The following KCNC2 variants were observed in gnomAD, a reference collection of about 807,000 sequenced individuals.
KCNC2 encodes the protein voltage-gated potassium channel KCNC2.
In KCNC2, 21 loss-of-function variants were observed where a neutral mutation model predicts 44.5. That is an observed-to-expected ratio of 0.47 (90% CI 0.33 to 0.68). The LOEUF is 0.68. Ranked by LOEUF, KCNC2 falls within the 30% of genes least tolerant of loss-of-function variation. The pLI is 0.01. For missense variants in KCNC2, 589 were observed against 826.2 expected, an observed-to-expected ratio of 0.71 and a Z score of 3.52; for synonymous variants, 391 against 339.1, an observed-to-expected ratio of 1.15 and a Z score of -1.68.
intron 2 of KCNC2, among the ~76,000 whole-genome samples, chr12:75,145,319 C>T (rs1385150380): frequency 6.6e-6 from 1 of 152,036 alleles, no homozygotes; most frequent in African/African-American, 2.4e-5. Context: ...TAAACAATCC[C>T]AAGTTTAAAA....
At chr12:75,097,984 TTCTC>T (rs2137163690) in intron 2 of KCNC2, among the ~76,000 whole-genome samples, 1 of 152,242 alleles carries the variant, frequency 6.6e-6, no homozygotes, top group Admixed American at 6.5e-5. Context: ...ATTCACTCCC[TTCTC>T]TCTATGAGAA....
chr12:75,175,494 T>C (rs1593029826), intron 2 of KCNC2, among the ~76,000 whole-genome samples: 1 of 152,024 alleles, frequency 6.6e-6, no homozygotes, highest in Non-Finnish European at 1.5e-5. Flanking sequence ...GACAGAATTG[T>C]ACATTTGGTT....
chr12:75,045,935 GATAA>G (rs1235988261), intron 4 of KCNC2, among the ~76,000 whole-genome samples: 1 of 151,608 alleles, frequency 6.6e-6, no homozygotes, highest in South Asian at 2.1e-4. Flanking sequence ...CAACTTGAGG[GATAA>G]ATAAATGAAA....
chr12:75,082,933 T>C (rs1421776649), intron 2 of KCNC2, among the ~76,000 whole-genome samples: 4 of 151,274 alleles, frequency 2.6e-5, no homozygotes, highest in African/African-American at 2.4e-5. Context: ...AAGACAGATA[T>C]CCCTATACTG....
At chr12:75,074,999 T>C (rs1374719995) in intron 2 of KCNC2, among the ~76,000 whole-genome samples, 1 of 152,140 alleles carries the variant, frequency 6.6e-6, no homozygotes, top group African/African-American at 2.4e-5. Flanking sequence ...GGGACAGAAA[T>C]ATGAAACAGC....
chr12:75,138,957 G>T (rs1889430979), intron 2 of KCNC2, among the ~76,000 whole-genome samples: 1 of 124,970 alleles, frequency 8.0e-6, no homozygotes. Context: ...CTCCTGCCTG[G>T]GCCACAGAGC....
intron 2 of KCNC2, among the ~76,000 whole-genome samples, chr12:75,098,481 A>G (rs1166222145): frequency 6.6e-6 from 1 of 152,140 alleles, no homozygotes; most frequent in Non-Finnish European, 1.5e-5. Context: ...ATTTCTAGCC[A>G]GGCACTGTGT....
At chr12:75,128,512 T>C (rs77642101) in intron 2 of KCNC2, among the ~76,000 whole-genome samples, 2,215 of 152,266 alleles carry the variant, frequency 0.015, 43 homozygotes, top group African/African-American at 0.05. Flanking sequence ...GGTCAAAAAA[T>C]TCTTTGTTCC....
At chr12:75,145,542 A>G (rs1889959716) in intron 2 of KCNC2, among the ~76,000 whole-genome samples, 1 of 151,052 alleles carries the variant, frequency 6.6e-6, no homozygotes, top group Non-Finnish European at 1.5e-5. Flanking sequence ...TTTTAATCTT[A>G]TTTTATATGA....
Position 75,050,642 on chromosome 12 carries a change from C to T in KCNC2, c.1363G>A (p.Ala455Thr). The T allele has an allele frequency of 6.2e-7, 1 of 1,613,322 alleles. No homozygotes were observed. The highest frequency in any genetic ancestry group is 8.5e-7 in the Non-Finnish European group (1 of 1,179,722). ...PQTWSGMLVG[A>T]LCALAGVLTI... ...AGCACTCCAGCCAGAGCACACAGGG[C>T]TCCCACCAGCATGCCTGACCATGTT... Residue 455 changes from alanine to threonine, a missense_variant, in exon 3 of 5, where the codon GCC (alanine) becomes ACC (threonine). Around this residue, in one of 7 missense-constraint regions of KCNC2, gnomAD observed 67 missense variants for 237.4 expected, o/e 0.28. Transcript: ENST00000549446.
chr12:75,157,162 G>A (rs1359574797), intron 2 of KCNC2, among the ~76,000 whole-genome samples: 1 of 151,884 alleles, frequency 6.6e-6, no homozygotes, highest in Admixed American at 6.6e-5. Context: ...TCTACATTTT[G>A]TAATTGCCTT....
rs1302607839 is a variant in KCNC2, at chr12:75,075,471, A to C, written c.688-24154T>G. On this transcript the variant is annotated intron_variant, in intron 2 of 4. Transcript: ENST00000549446. The stretch of plus-strand genomic sequence containing the variant: ...AATATATATATACATATATATATAT[A>C]TATATATATATACACATATATATAT... 2.4e-4 allele frequency among the ~76,000 whole-genome samples: 35 copies of C among 147,238 alleles called. 1 individual carries two copies. The highest frequency in any genetic ancestry group is 4.0e-4 in the East Asian group (2 of 4,944).
In KCNC2 at chr12:75,181,916, C is replaced by CTTTTTTTTTTTTTTTTTTTTTTTTTTTTT. The variant is rs61089425; in HGVS notation, c.687+25352_687+25380dup. Among the ~76,000 whole-genome samples the CTTTTTTTTTTTTTTTTTTTTTTTTTTTTT allele has an allele frequency of 2.3e-4, 11 of 47,876 alleles. 4 individuals carry two copies. The highest frequency in any genetic ancestry group is 3.6e-4 in the Non-Finnish European group (9 of 25,268). 31.4% of individuals were successfully genotyped at this position (47,876 alleles called of 152,430 possible). On this transcript the variant is annotated intron_variant, in intron 2 of 4. Transcript: ENST00000549446. ...AAACATTATTACTATTAATATCTTC[C>CTTTTTTTTTTTTTTTTTTTTTTTTTTTTT]TTTTTTTTTTTTTTTTTTTTTTTTT...
At chr12:75,072,400 T>A (rs1883509013) in intron 2 of KCNC2, among the ~76,000 whole-genome samples, 1 of 152,100 alleles carries the variant, frequency 6.6e-6, no homozygotes, top group African/African-American at 2.4e-5. Flanking sequence ...AAAAAATACA[T>A]TGAAAGGAAG....
At chr12:75,165,296 T>G (rs1186315782) in intron 2 of KCNC2, among the ~76,000 whole-genome samples, 2 of 151,550 alleles carry the variant, frequency 1.3e-5, no homozygotes, top group Non-Finnish European at 3.0e-5. Context: ...ACAGACTGTA[T>G]AGACTAAATA....
chr12:75,191,891 C>T (rs899600536), intron 2 of KCNC2, among the ~76,000 whole-genome samples: 1 of 152,076 alleles, frequency 6.6e-6, no homozygotes, highest in African/African-American at 2.4e-5. Context: ...TACTATCTTA[C>T]AATGGTTTTT....
chr12:75,065,475 T>G (rs2137008076), intron 2 of KCNC2, among the ~76,000 whole-genome samples: 1 of 152,262 alleles, frequency 6.6e-6, no homozygotes, highest in East Asian at 1.9e-4. Flanking sequence ...CTGTGCTGGA[T>G]AATGATATTT....
At chr12:75,074,147 G>A (rs932054200) in intron 2 of KCNC2, among the ~76,000 whole-genome samples, 1 of 151,726 alleles carries the variant, frequency 6.6e-6, no homozygotes, top group Non-Finnish European at 1.5e-5. Context: ...TAAAAAAAAG[G>A]AAAATATTCT....
At chr12:75,107,767 T>C (rs1886908418) in intron 2 of KCNC2, among the ~76,000 whole-genome samples, 1 of 152,210 alleles carries the variant, frequency 6.6e-6, no homozygotes, top group Admixed American at 6.5e-5. Context: ...AATTAATTCC[T>C]AAGTCATTAA....
Sources: gnomAD v4.1 joint callset for allele counts (sites outside exome capture counted in the v4.1 genomes callset) on GRCh38, gnomAD v4.1.1 for gene constraint, gnomAD v4.1.1 regional missense constraint, MANE v1.5 for transcripts, NCBI Gene and HGNC (gene_info 2026-07-23, HGNC 2026-07-21) for gene names.